The following EYS variants were observed in gnomAD, a reference collection of about 807,000 sequenced individuals.
EYS encodes protein eyes shut homolog.
A neutral mutation model predicts 282.1 loss-of-function variants in EYS; 250 were observed. The ratio of observed to expected loss-of-function variants is 0.89; its 90% CI spans 0.80 to 0.98. EYS has a LOEUF of 0.98. Among genes scored for constraint, EYS ranks in the 50% least tolerant of loss-of-function variants. The probability of loss-of-function intolerance (pLI) is 0.00; values close to 1 mark genes in which losing one functional copy is unlikely to be tolerated. For synonymous variants in EYS, 1,355 were observed against 1,282.9 expected (o/e 1.06, Z -1.20); for missense variants, 4,016 against 3,709.0 (o/e 1.08, Z -2.15).
rs568959156 is a variant in EYS at position 65,501,039 on chromosome 6, A to T, written c.-332-5046T>A. 4.6e-5 allele frequency among the ~76,000 whole-genome samples: 7 copies of T among 152,112 alleles called. No individual in the cohort carries two copies. In the East Asian group the frequency reaches 1.4e-3, roughly 29 times the overall value. On this transcript the variant is annotated intron_variant, in intron 2 of 42. Coordinates refer to ENST00000503581, the MANE Select transcript of EYS (RefSeq NM_001142800.2). The stretch of plus-strand genomic sequence containing the variant: ...ATTAAATTTAATATGTCAGTATTTT[A>T]AAAATATTTTCCTTTTTAATCCACA...
At position 64,615,527 on chromosome 6, in the gene EYS, G is replaced by A. The variant is rs537523278; in HGVS notation, c.3684+1891C>T. On this transcript the variant is annotated intron_variant, in intron 24 of 42. Transcript: ENST00000503581. The stretch of plus-strand genomic sequence containing the variant: ...TTTTCTGTTCCAATTAATAATTTGC[G>A]TGTTATTTTCAAAAGTATATTTCTT... 2.0e-4 allele frequency among the ~76,000 whole-genome samples: 30 copies of A among 151,922 alleles called. No homozygotes were observed. The East Asian group carries it at 2.1e-3, about 11-fold the overall frequency.
intron 33 of EYS, among the ~76,000 whole-genome samples, chr6:64,014,779 ATTTT>A (rs57255670): frequency 2.1e-5 from 3 of 144,360 alleles, no homozygotes; most frequent in East Asian, 2.1e-4. Flanking sequence ...GTCTTTTTTT[ATTTT>A]TTTTTTTTTT....
At position 64,353,299 on chromosome 6, in the gene EYS, T is replaced by A. The variant is rs549840372; in HGVS notation, c.6078+35391A>T. Among the ~76,000 whole-genome samples, 311 of 151,658 alleles carry A rather than the reference T, an allele frequency of 2.1e-3. 1 individual carries two copies. Among genetic ancestry groups the A allele is most frequent in the Non-Finnish European group, 3.3e-3 (222 of 67,676 alleles). On this transcript the variant is annotated intron_variant, in intron 29 of 42. Coordinates refer to ENST00000503581, the MANE Select transcript of EYS (RefSeq NM_001142800.2). ...CTTTGAGTCCAAATGCACTAGGAGTTGAACATTATACCTCATTTGAGTCCT... is the reference window on the plus strand; with the variant it reads ...CTTTGAGTCCAAATGCACTAGGAGTAGAACATTATACCTCATTTGAGTCCT...
chr6:65,321,096 T>A (rs920075012), intron 11 of EYS, among the ~76,000 whole-genome samples: 2 of 151,646 alleles, frequency 1.3e-5, no homozygotes, highest in African/African-American at 4.8e-5. Context: ...CAGTGCTCTG[T>A]AAGACTACGG....
At chr6:64,249,819 T>C (rs1026922637) in intron 30 of EYS, among the ~76,000 whole-genome samples, 1 of 152,220 alleles carries the variant, frequency 6.6e-6, no homozygotes, top group Non-Finnish European at 1.5e-5. Flanking sequence ...TGATCTTTTT[T>C]TCTTGCTACC....
chr6:64,558,141 T>C (rs1275966282), intron 26 of EYS, among the ~76,000 whole-genome samples: 1 of 152,128 alleles, frequency 6.6e-6, no homozygotes, highest in East Asian at 1.9e-4. Context: ...AAATTGTACA[T>C]TGGTTGAATA....
chr6:64,666,760 A>G (rs16895644), intron 22 of EYS, among the ~76,000 whole-genome samples: 29,628 of 152,136 alleles, frequency 0.19, 3,408 homozygotes, highest in East Asian at 0.34. Context: ...ACACATCTCA[A>G]AAGGAACCTA....
intron 8 of EYS, among the ~76,000 whole-genome samples, chr6:65,369,380 AC>A (rs1765051936): frequency 6.9e-6 from 1 of 145,508 alleles, no homozygotes; most frequent in Admixed American, 7.6e-5. Context: ...GTCTGTTCCA[AC>A]AAAGCAAGAA....
chr6:65,174,284 C>T (rs1009314802), intron 12 of EYS, among the ~76,000 whole-genome samples: 1 of 151,292 alleles, frequency 6.6e-6, no homozygotes, highest in Non-Finnish European at 1.5e-5. Context: ...CTAGAACTTT[C>T]CATTGCTCAT....
At chr6:63,745,932 C>T (rs998069968) in intron 41 of EYS, among the ~76,000 whole-genome samples, 4 of 152,128 alleles carry the variant, frequency 2.6e-5, no homozygotes, top group African/African-American at 4.8e-5. Context: ...TCTGTGTGTA[C>T]CATGTGAGGA....
chr6:64,811,193 C>T (rs1764580031), intron 22 of EYS, among the ~76,000 whole-genome samples: 1 of 151,988 alleles, frequency 6.6e-6, no homozygotes, highest in Non-Finnish European at 1.5e-5. Context: ...CATAGTGTAG[C>T]GTGGAGTCCC....
At chr6:64,011,906 C>T (rs184701130) in intron 33 of EYS, among the ~76,000 whole-genome samples, 1 of 152,164 alleles carries the variant, frequency 6.6e-6, no homozygotes, top group Admixed American at 6.5e-5. Flanking sequence ...TTTCTCTTGT[C>T]TTTAGGCTTG....
At chr6:65,399,809 T>G (rs1272923035) in intron 7 of EYS, among the ~76,000 whole-genome samples, 2 of 152,070 alleles carry the variant, frequency 1.3e-5, no homozygotes. Context: ...AGTTCTTTCT[T>G]CATAAACAAT....
Position 63,880,835 on chromosome 6 carries a change from A to T in EYS, c.7056-16477T>A, listed in dbSNP as rs114636457. Among the ~76,000 whole-genome samples the T allele has an allele frequency of 2.3e-3, 343 of 152,318 alleles. 1 individual carries two copies. Among genetic ancestry groups the T allele is most frequent in the African/African-American group, 7.7e-3 (322 of 41,570 alleles). ...AACTTCTTTGCACTGGAAAAGACTA[A>T]ATCTCTTGGAATCAGTTGACATGAT... is the stretch of plus-strand genomic sequence containing the variant. On this transcript the variant is annotated intron_variant, in intron 35 of 42. Coordinates refer to ENST00000503581, the MANE Select transcript of EYS (RefSeq NM_001142800.2).
At chr6:65,381,413 C>T (rs1046909580) in intron 8 of EYS, among the ~76,000 whole-genome samples, 7 of 151,968 alleles carry the variant, frequency 4.6e-5, no homozygotes, top group African/African-American at 1.7e-4. Context: ...GGGAGTTGAA[C>T]AGTGTGAACA....
At chr6:64,096,383 T>C (rs1429941793) in intron 31 of EYS, among the ~76,000 whole-genome samples, 1 of 152,242 alleles carries the variant, frequency 6.6e-6, no homozygotes, top group East Asian at 1.9e-4. Context: ...CACTTTCAGG[T>C]ACACCAATCA....
At chr6:64,045,489 A>G (rs1405900356) in intron 33 of EYS, among the ~76,000 whole-genome samples, 2 of 148,944 alleles carry the variant, frequency 1.3e-5, no homozygotes, top group African/African-American at 4.9e-5. Context: ...CTTATTGCCC[A>G]GGCTGGAGTA....
intron 12 of EYS, among the ~76,000 whole-genome samples, chr6:65,223,704 A>G (rs1229616688): frequency 6.6e-6 from 1 of 152,186 alleles, no homozygotes; most frequent in Non-Finnish European, 1.5e-5. Flanking sequence ...AGCAAAGTAC[A>G]CTACCACAGT....
intron 1 of EYS, among the ~76,000 whole-genome samples, chr6:65,688,449 C>T (rs1293015397): frequency 3.3e-5 from 5 of 152,084 alleles, no homozygotes; most frequent in African/African-American, 4.8e-5. Context: ...GGATTAAAGA[C>T]CTAAATGTTA....
Sources: gnomAD v4.1 joint callset for allele counts (sites outside exome capture counted in the v4.1 genomes callset) on GRCh38, gnomAD v4.1.1 for gene constraint, MANE v1.5 for transcripts, NCBI Gene and HGNC (gene_info 2026-07-23, HGNC 2026-07-21) for gene names.